Variants in NRXN1 observed in about 807,000 individuals in gnomAD.
The protein encoded by NRXN1 is neurexin-1.
In NRXN1, 39 loss-of-function variants were observed where a neutral mutation model predicts 150.9. The ratio of observed to expected loss-of-function variants is 0.26; its 90% CI spans 0.20 to 0.34. The LOEUF (loss-of-function observed/expected upper bound fraction) is 0.34. Ranked by LOEUF, NRXN1 falls within the 10% of genes least tolerant of loss-of-function variation. NRXN1 has a pLI of 1.00. For missense variants in NRXN1, 1,815 were observed against 1,949.9 expected (o/e 0.93, Z 1.30); for synonymous variants, 924 against 757.0 (o/e 1.22, Z -3.62).
intron 18 of NRXN1, among the ~76,000 whole-genome samples, chr2:50,093,419 C>A (rs1310717217): frequency 4.0e-5 from 6 of 149,174 alleles, no homozygotes; most frequent in African/African-American, 1.5e-4. Context: ...GAGTTGGAGA[C>A]CAGCCTGGGA....
In NRXN1 at chr2:50,506,432, C is replaced by A. The variant is rs954396163; in HGVS notation, c.2497+63G>T. 5.9e-6 allele frequency: 9 copies of A among 1,516,886 alleles called. No individual in the cohort carries two copies. The African/African-American group carries it at 1.2e-4, about 21-fold the overall frequency. The allele number at this position is 1,516,886 out of a possible 1,614,324, so 94.0% of individuals were successfully genotyped here. A position where few individuals can be genotyped will look rare whatever the true frequency, so the allele number is the denominator to read the frequency against. ...GTACCAGCCTTGGTGTGCAAAACCA[C>A]CTGCAAGAAATGAGAGTCAAAAGCG... On this transcript the variant is annotated intron_variant, in intron 13 of 22. Coordinates refer to ENST00000401669, the MANE Select transcript of NRXN1 (RefSeq NM_001330078.2).
intron 17 of NRXN1, among the ~76,000 whole-genome samples, chr2:50,237,878 C>T (rs1304919638): frequency 6.6e-6 from 1 of 151,984 alleles, no homozygotes; most frequent in Non-Finnish European, 1.5e-5. Flanking sequence ...GTGATGGGAT[C>T]ATGGAGTGGC....
intron 15 of NRXN1, among the ~76,000 whole-genome samples, chr2:50,493,455 G>C (rs2091378376): frequency 6.6e-6 from 1 of 152,146 alleles, no homozygotes. Context: ...TGTCCTATAA[G>C]TGCTCCCTCA....
chr2:50,019,331 G>C (rs931065071), intron 21 of NRXN1: 9 of 470,968 alleles, frequency 1.9e-5, no homozygotes, highest in Admixed American at 9.4e-5. Context: ...TGGTATCCTC[G>C]CTTGGAAATT....
chr2:50,036,380 GT>G, intron 21 of NRXN1, among the ~76,000 whole-genome samples: 1 of 151,988 alleles, frequency 6.6e-6, no homozygotes, highest in Non-Finnish European at 1.5e-5. Flanking sequence ...TGAGTTGTGG[GT>G]CAATTAAACC....
At chr2:50,546,951 G>C (rs1326793441) in intron 9 of NRXN1, among the ~76,000 whole-genome samples, 3 of 152,176 alleles carry the variant, frequency 2.0e-5, no homozygotes, top group Non-Finnish European at 4.4e-5. Context: ...ATTGTCTAAT[G>C]GTTGCTCAAG....
intron 18 of NRXN1, among the ~76,000 whole-genome samples, chr2:50,215,534 A>G (rs2063336247): frequency 6.6e-6 from 1 of 151,932 alleles, no homozygotes; most frequent in South Asian, 2.1e-4. Flanking sequence ...AAATCAGAAA[A>G]CCTAAACTCT....
chr2:50,465,027 G>C (rs1269486158), intron 17 of NRXN1, among the ~76,000 whole-genome samples: 1 of 151,806 alleles, frequency 6.6e-6, no homozygotes, highest in Admixed American at 6.6e-5. Flanking sequence ...TTAAAGAGAT[G>C]TACGCAGAGA....
chr2:50,436,973 C>T (rs2085502930), intron 17 of NRXN1, among the ~76,000 whole-genome samples: 1 of 152,108 alleles, frequency 6.6e-6, no homozygotes, highest in East Asian at 1.9e-4. Flanking sequence ...AAACTGTAGC[C>T]TCTTTACTAG....
intron 5 of NRXN1, among the ~76,000 whole-genome samples, chr2:50,850,662 G>A (rs1272934579): frequency 2.0e-5 from 3 of 151,984 alleles, no homozygotes; most frequent in Admixed American, 6.6e-5. Flanking sequence ...TCACCTTCAT[G>A]CTTAAAGAGC....
At chr2:50,137,948 T>A (rs1706667445) in intron 18 of NRXN1, among the ~76,000 whole-genome samples, 1 of 152,214 alleles carries the variant, frequency 6.6e-6, no homozygotes, top group Admixed American at 6.5e-5. Context: ...AATGAGACAT[T>A]TTACTTTGCC....
intron 2 of NRXN1, among the ~76,000 whole-genome samples, chr2:50,983,296 C>T (rs1371502854): frequency 6.6e-6 from 1 of 152,148 alleles, no homozygotes; most frequent in South Asian, 2.1e-4. Flanking sequence ...ATCCTTATCA[C>T]TTTCTCCTCG....
intron 5 of NRXN1, among the ~76,000 whole-genome samples, chr2:50,655,672 G>GC (rs1281805320): frequency 1.3e-5 from 2 of 151,152 alleles, no homozygotes; most frequent in Admixed American, 6.6e-5. Context: ...TCTTTTGGGG[G>GC]GGGAGGGAAG....
intron 5 of NRXN1, among the ~76,000 whole-genome samples, chr2:50,670,040 A>T (rs1342537347): frequency 6.6e-6 from 1 of 151,770 alleles, no homozygotes; most frequent in Non-Finnish European, 1.5e-5. Flanking sequence ...GAGTAGTTTT[A>T]TACATGTATA....
intron 5 of NRXN1, among the ~76,000 whole-genome samples, chr2:50,644,874 AT>A (rs1388132637): frequency 6.7e-6 from 1 of 149,326 alleles, no homozygotes; most frequent in African/African-American, 2.4e-5. Flanking sequence ...TAAATAAAAA[AT>A]GTATTTATAT....
chr2:50,693,443 G>A (rs576464578), intron 5 of NRXN1, among the ~76,000 whole-genome samples: 1 of 152,136 alleles, frequency 6.6e-6, no homozygotes, highest in Admixed American at 6.5e-5. Context: ...ATATAACTGT[G>A]GTCCTTTGGT....
At chr2:50,657,473 G>T (rs1295061217) in intron 5 of NRXN1, among the ~76,000 whole-genome samples, 1 of 152,008 alleles carries the variant, frequency 6.6e-6, no homozygotes, top group African/African-American at 2.4e-5. Flanking sequence ...GAATATGAGT[G>T]ACAGAGGACA....
At chr2:50,602,857 C>T (rs1676502078) in intron 8 of NRXN1, among the ~76,000 whole-genome samples, 1 of 152,190 alleles carries the variant, frequency 6.6e-6, no homozygotes, top group Non-Finnish European at 1.5e-5. Flanking sequence ...GGACCAACTA[C>T]AGGGATGGCT....
chr2:50,029,547 C>G (rs1258652133), intron 21 of NRXN1, among the ~76,000 whole-genome samples: 1 of 152,076 alleles, frequency 6.6e-6, no homozygotes, highest in Non-Finnish European at 1.5e-5. Context: ...CACATGCTCT[C>G]CATCCTACAC....
Sources: allele counts gnomAD v4.1 joint callset (sites outside exome capture counted in the v4.1 genomes callset), GRCh38; gene constraint gnomAD v4.1.1; transcripts MANE v1.5; gene names NCBI Gene and HGNC (gene_info 2026-07-23, HGNC 2026-07-21).